VCL: variants seen among roughly 807,000 people sequenced by gnomAD.
VCL encodes the protein vinculin.
A neutral mutation model predicts 125.7 loss-of-function variants in VCL; 47 were observed. The ratio of observed to expected loss-of-function variants is 0.37; its 90% CI spans 0.30 to 0.48. The LOEUF is 0.48. Among genes scored for constraint, VCL ranks in the 20% least tolerant of loss-of-function variants. The pLI is 0.99. For missense variants in VCL, 1,069 were observed against 1,455.5 expected (o/e 0.73, Z 4.32); for synonymous variants, 458 against 514.6 (o/e 0.89, Z 1.49).
chr10:74,006,823 C>A (rs1162679617), intron 1 of VCL, among the ~76,000 whole-genome samples: 1 of 152,224 alleles, frequency 6.6e-6, no homozygotes, highest in Middle Eastern at 3.4e-3. Flanking sequence ...TGCAAAAATT[C>A]CCAAATCCAA....
intron 1 of VCL, among the ~76,000 whole-genome samples, chr10:74,012,511 C>A (rs540040779): frequency 6.6e-6 from 1 of 152,156 alleles, no homozygotes; most frequent in Non-Finnish European, 1.5e-5. Flanking sequence ...TTATATTATT[C>A]TTCTTAAAGA....
chr10:74,115,066 A>G (rs1840291138), intron 21 of VCL, among the ~76,000 whole-genome samples, 167 bp downstream of exon 21: 1 of 152,054 alleles, frequency 6.6e-6, no homozygotes, highest in Non-Finnish European at 1.5e-5. Flanking sequence ...GGATAGATAC[A>G]TCAGAAATTT....
At chr10:74,111,103 G>A (rs773719550) in intron 18 of VCL, among the ~76,000 whole-genome samples, 5 of 152,180 alleles carry the variant, frequency 3.3e-5, no homozygotes, top group Non-Finnish European at 7.3e-5. Context: ...GGTGGTACTA[G>A]CAATGGATGC....
rs146608902 is a variant in VCL, at chr10:74,011,519, A to G, written c.168+13144A>G. ...TCATATTATTGGTTCTGTGTTTACC[A>G]TAGTCCCCTGCTCATGGTAGTTCTT... On this transcript the variant is annotated intron_variant, in intron 1 of 21. Coordinates refer to ENST00000211998, the MANE Select transcript of VCL (RefSeq NM_014000.3). Among the ~76,000 whole-genome samples, 174 of 152,274 alleles carry G rather than the reference A, an allele frequency of 1.1e-3. 2 individuals are homozygous for G. The highest frequency in any genetic ancestry group is 2.3e-3 in the Non-Finnish European group (154 of 68,016).
intron 17 of VCL, among the ~76,000 whole-genome samples, 161 bp downstream of exon 17, chr10:74,107,515 A>G (rs1328835627): frequency 6.6e-6 from 1 of 152,136 alleles, no homozygotes; most frequent in Non-Finnish European, 1.5e-5. Context: ...TCCTAAATCC[A>G]GTGGAGTTAT....
At chr10:74,099,701 T>C (rs983957251) in intron 13 of VCL, among the ~76,000 whole-genome samples, 3 of 152,140 alleles carry the variant, frequency 2.0e-5, no homozygotes, top group African/African-American at 4.8e-5. Context: ...TGGTCTGGCA[T>C]TGAGATGGTC....
chr10:74,097,248 A>C lies in VCL; in HGVS notation c.1788A>C (p.Ser596=), dbSNP rs199582103. Residue 596 remains serine, a synonymous_variant, in exon 13 of 22, where the codon TCA becomes TCC. Transcript: ENST00000211998. This position sits in a 1 kb window ranked among gnomAD's most constrained non-coding sequence, Gnocchi z 4.1. ...AGGAGGCCATGACTCAGGAAGTGTC[A>C]GATGTTTTCAGCGATACCACAACTC... The part of the protein sequence containing the change: ...RMQEAMTQEV[S]DVFSDTTTPI... 1.6e-4 allele frequency: 253 copies of C among 1,614,040 alleles called. No homozygotes were observed. Among genetic ancestry groups the C allele is most frequent in the Non-Finnish European group, 1.4e-4 (166 of 1,180,014 alleles).
intron 15 of VCL, among the ~76,000 whole-genome samples, chr10:74,104,602 A>C (rs7893812): frequency 6.8e-4 from 103 of 152,252 alleles, no homozygotes; most frequent in African/African-American, 2.4e-3. Flanking sequence ...AGGAATAAGA[A>C]ATAGGCTGTT....
intron 1 of VCL, among the ~76,000 whole-genome samples, chr10:74,010,936 G>A (rs955899946): frequency 6.6e-6 from 1 of 152,136 alleles, no homozygotes; most frequent in Non-Finnish European, 1.5e-5. Flanking sequence ...CTGGGGTGCT[G>A]AGGCAGGTGG....
intron 10 of VCL, among the ~76,000 whole-genome samples, chr10:74,093,647 T>A (rs75790328): frequency 6.6e-6 from 1 of 150,466 alleles, no homozygotes; most frequent in East Asian, 1.9e-4. Context: ...TTTTTTTTTT[T>A]AATTAGCCAG....
chr10:74,046,144 G>A (rs1276380610), intron 2 of VCL, among the ~76,000 whole-genome samples: 3 of 152,140 alleles, frequency 2.0e-5, no homozygotes, highest in East Asian at 1.9e-4. Flanking sequence ...TTTTGTGGGA[G>A]TATCTTTTTT....
Position 74,083,396 on chromosome 10 carries a change from T to C in VCL, c.905T>C (p.Ile302Thr). Reference protein sequence around the residue: ...GDAGEQAIRQILDEAGKVGEL... With the variant: ...GDAGEQAIRQTLDEAGKVGEL... ...GCTGGTGAGCAGGCCATCAGACAGA[T>C]CTTAGATGAAGCTGGAAAAGTTGGT... Residue 302 changes from isoleucine to threonine, a missense_variant, in exon 8 of 22, where the codon ATC (isoleucine) becomes ACC (threonine). Coordinates refer to ENST00000211998, the MANE Select transcript of VCL (RefSeq NM_014000.3). 1 of 1,614,158 alleles carries C rather than the reference T, an allele frequency of 6.2e-7. No homozygotes were observed. The highest frequency in any genetic ancestry group is 8.5e-7 in the Non-Finnish European group (1 of 1,179,994).
intron 7 of VCL, 48 bp from the exon 8 acceptor site, chr10:74,083,318 A>G (rs768936624): frequency 6.2e-7 from 1 of 1,610,306 alleles, no homozygotes; most frequent in East Asian, 2.2e-5. Context: ...TCCTCTCTAA[A>G]TAATGAATGT....
intron 8 of VCL, among the ~76,000 whole-genome samples, chr10:74,084,590 T>TTTTTTC (rs530274791): frequency 1.3e-4 from 20 of 151,246 alleles, no homozygotes; most frequent in East Asian, 3.9e-4. Flanking sequence ...ACCTGCCAAA[T>TTTTTTC]TTTTTCTTTT....
intron 10 of VCL, among the ~76,000 whole-genome samples, chr10:74,090,432 A>G (rs1214569872): frequency 6.6e-6 from 1 of 152,206 alleles, no homozygotes; most frequent in African/African-American, 2.4e-5. Context: ...ACATAGTTAT[A>G]AATTGATAAA....
chr10:74,008,095 C>T (rs949249426), intron 1 of VCL, among the ~76,000 whole-genome samples: 4 of 152,136 alleles, frequency 2.6e-5, no homozygotes, highest in Non-Finnish European at 5.9e-5. Context: ...TGAGCCACCG[C>T]GCCCGGCCTA....
At chr10:74,077,471 T>A (rs184577717) in intron 6 of VCL, 14 of 178,728 alleles carry the variant, frequency 7.8e-5, no homozygotes, top group African/African-American at 2.6e-4. Flanking sequence ...AATTTTACCC[T>A]GAAAATAGAA....
In VCL at chr10:74,074,873, C is replaced by T; in HGVS notation, c.753C>T (p.Thr251=). The part of the protein sequence containing the change: ...INEIIRVLQL[T]SWDEDAWASK... ...AGATAATTCGTGTGTTACAACTCACCTCTTGGGATGAAGATGCCTGGGCCA... is the reference window on the plus strand; with the variant it reads ...AGATAATTCGTGTGTTACAACTCACTTCTTGGGATGAAGATGCCTGGGCCA... The change falls in exon 6 of 22, where the codon ACC becomes ACT. Residue 251 remains threonine, a synonymous_variant. Coordinates refer to ENST00000211998, the MANE Select transcript of VCL (RefSeq NM_014000.3). 6.2e-7 allele frequency: 1 copy of T among 1,614,020 alleles called. No individual in the cohort carries two copies. The highest frequency in any genetic ancestry group is 8.5e-7 in the Non-Finnish European group (1 of 1,180,004).
downstream of VCL, chr10:74,120,515 A>G (rs527598135): frequency 1.3e-5 from 2 of 152,332 alleles, no homozygotes; most frequent in South Asian, 4.1e-4. Context: ...TAGGAGTACC[A>G]CAGGTCCTTC....
Sources: allele counts gnomAD v4.1 joint callset (sites outside exome capture counted in the v4.1 genomes callset), GRCh38; gene constraint gnomAD v4.1.1; non-coding constraint Gnocchi (gnomAD v3.1); transcripts MANE v1.5; gene names NCBI Gene and HGNC (gene_info 2026-07-23, HGNC 2026-07-21).